Variants in ARHGAP24 observed in about 807,000 individuals in gnomAD.
ARHGAP24 encodes rho GTPase-activating protein 24.
Under a neutral mutation model 76.4 loss-of-function variants are expected in ARHGAP24, and 50 were observed. That is an observed-to-expected ratio of 0.65 (90% CI 0.52 to 0.83). ARHGAP24 has a LOEUF of 0.83. ARHGAP24 is among the 40% of genes least tolerant of loss of function. The pLI is 0.00. For missense variants in ARHGAP24, 930 were observed against 914.2 expected, an observed-to-expected ratio of 1.02 and a Z score of -0.22; for synonymous variants, 345 against 323.3, an observed-to-expected ratio of 1.07 and a Z score of -0.72.
chr4:85,665,232 CTCT>C (rs1254272521), intron 2 of ARHGAP24, among the ~76,000 whole-genome samples: 7 of 152,214 alleles, frequency 4.6e-5, no homozygotes, highest in African/African-American at 1.7e-4. Flanking sequence ...GGATAGTTAG[CTCT>C]TCTTGTTGAA....
At chr4:85,797,407 T>A (rs1728401280) in intron 3 of ARHGAP24, among the ~76,000 whole-genome samples, 1 of 152,146 alleles carries the variant, frequency 6.6e-6, no homozygotes, top group Admixed American at 6.5e-5. Context: ...TCTCCTGACC[T>A]TGTGATCCAC....
chr4:85,561,916 T>A (rs910783394), intron 1 of ARHGAP24, among the ~76,000 whole-genome samples: 9 of 152,050 alleles, frequency 5.9e-5, no homozygotes, highest in Non-Finnish European at 1.0e-4. Flanking sequence ...TAAGGAAATA[T>A]GATAGAATGT....
chr4:85,948,744 G>T (rs1737428128), intron 5 of ARHGAP24, among the ~76,000 whole-genome samples: 1 of 152,122 alleles, frequency 6.6e-6, no homozygotes, highest in African/African-American at 2.4e-5. Flanking sequence ...GAGGTGCTGG[G>T]TCTTTCAGAA....
chr4:85,919,584 T>C lies in ARHGAP24; in HGVS notation c.269-4064T>C, dbSNP rs563787299. The stretch of plus-strand genomic sequence containing the variant: ...ATAGATGAAATTCACAGATGGGATT[T>C]TGTATCTGTGATTGGCAGTCTAAAT... On this transcript the variant is annotated intron_variant, in intron 3 of 9. Coordinates refer to ENST00000395184, the MANE Select transcript of ARHGAP24 (RefSeq NM_001025616.3). Among the ~76,000 whole-genome samples, 30 of 152,298 alleles carry C rather than the reference T, an allele frequency of 2.0e-4. No individual in the cohort carries two copies. In the South Asian group the frequency reaches 6.2e-3, roughly 32 times the overall value.
intron 3 of ARHGAP24, among the ~76,000 whole-genome samples, chr4:85,820,150 A>T (rs1729407956): frequency 1.3e-5 from 2 of 152,232 alleles, no homozygotes; most frequent in African/African-American, 2.4e-5. Context: ...ACCCAAAGGA[A>T]TATAAATTGT....
intron 3 of ARHGAP24, among the ~76,000 whole-genome samples, chr4:85,767,140 T>C (rs1249039226): frequency 1.3e-5 from 2 of 152,152 alleles, no homozygotes; most frequent in African/African-American, 4.8e-5. Context: ...ATTCACACAA[T>C]GTAAAGTGGC....
rs753293329 is a variant in ARHGAP24 at position 86,000,577 on chromosome 4, T to C, written c.2102T>C (p.Met701Thr). Residue 701 changes from methionine to threonine, a missense_variant, in exon 10 of 10, where the codon ATG becomes ACG. By Grantham distance (81) the Met-to-Thr change is moderately conservative. Transcript: ENST00000395184. ...RKKFTMIEIK[M>T]RNAERAKEDA... The stretch of plus-strand genomic sequence containing the variant: ...AAGTTCACAATGATAGAAATAAAAA[T>C]GCGAAATGCCGAGCGAGCAAAAGAA... 3 of 1,607,022 alleles carry C rather than the reference T, an allele frequency of 1.9e-6. No homozygotes were observed. The highest frequency in any genetic ancestry group is 1.7e-6 in the Non-Finnish European group (2 of 1,177,446).
chr4:85,995,079 C>A lies in ARHGAP24; in HGVS notation c.1425C>A (p.His475Gln), dbSNP rs141031654. ...LKVSGTKMGT[H>Q]SVQNGTVRMG... ...TATCTGGTACCAAAATGGGCACGCA[C>A]AGTGTACAGAATGGAACGGTGCGCA... Residue 475 changes from histidine (H) to glutamine (Q), a missense_variant, in exon 9 of 10, where the codon CAC becomes CAA. Transcript: ENST00000395184. The A allele has an allele frequency of 6.2e-6, 10 of 1,613,920 alleles. No individual in the cohort carries two copies. The South Asian group carries it at 9.9e-5, about 16-fold the overall frequency.
chr4:85,495,580 C>T lies in ARHGAP24; in HGVS notation c.-21+20021C>T, dbSNP rs116708175. Among the ~76,000 whole-genome samples, 1,195 of 151,928 alleles carry T rather than the reference C, an allele frequency of 7.9e-3. 5 individuals are homozygous for T. Among genetic ancestry groups the T allele is most frequent in the Non-Finnish European group, 0.012 (801 of 67,958 alleles). ...GTTAGCCAGGATGGGTCTCAATCTC[C>T]TTACCTGGTGATCCGCCCGCCTCGG... On this transcript the variant is annotated intron_variant, in intron 1 of 9. Coordinates refer to ENST00000395184, the MANE Select transcript of ARHGAP24 (RefSeq NM_001025616.3).
At chr4:85,681,626 ATT>A (rs1723205911) in intron 2 of ARHGAP24, among the ~76,000 whole-genome samples, 1 of 152,216 alleles carries the variant, frequency 6.6e-6, no homozygotes, top group Non-Finnish European at 1.5e-5. Flanking sequence ...AGGCCAAAGC[ATT>A]TATATGCATG....
intron 3 of ARHGAP24, among the ~76,000 whole-genome samples, chr4:85,895,017 A>AG (rs1560701878): frequency 2.2e-5 from 2 of 89,884 alleles, no homozygotes; most frequent in Admixed American, 1.4e-4. Context: ...AAAAAAAAAA[A>AG]AAAAGAAAAG....
chr4:85,526,863 A>G (rs1416996845), intron 1 of ARHGAP24, among the ~76,000 whole-genome samples: 1 of 152,176 alleles, frequency 6.6e-6, no homozygotes, highest in Non-Finnish European at 1.5e-5. Flanking sequence ...TAATAGATGC[A>G]TACGTATAAT....
intron 2 of ARHGAP24, among the ~76,000 whole-genome samples, chr4:85,685,381 C>T (rs1357720791): frequency 6.6e-6 from 1 of 151,962 alleles, no homozygotes; most frequent in Non-Finnish European, 1.5e-5. Flanking sequence ...GCCTGTAATC[C>T]CAGCACTTTG....
chr4:85,951,515 A>G (rs1737615701), intron 5 of ARHGAP24, among the ~76,000 whole-genome samples: 1 of 152,154 alleles, frequency 6.6e-6, no homozygotes, highest in African/African-American at 2.4e-5. Flanking sequence ...TTTTGTACAT[A>G]TCTGCCCTCT....
intron 7 of ARHGAP24, 141 bp downstream of exon 7, chr4:85,975,102 G>T (rs1739247206): frequency 1.3e-6 from 1 of 760,900 alleles, no homozygotes; most frequent in Non-Finnish European, 2.2e-6. Context: ...ATTGGACAAG[G>T]TGATCTCAGA....
intron 3 of ARHGAP24, among the ~76,000 whole-genome samples, chr4:85,792,379 C>T (rs1281565968): frequency 6.6e-6 from 1 of 152,124 alleles, no homozygotes; most frequent in South Asian, 2.1e-4. Context: ...AAAGCCAAGC[C>T]ACACATGTTC....
intron 2 of ARHGAP24, among the ~76,000 whole-genome samples, chr4:85,669,458 G>C (rs764364886): frequency 4.0e-5 from 6 of 151,708 alleles, no homozygotes; most frequent in Admixed American, 3.9e-4. Flanking sequence ...TGGAAGAAAA[G>C]TACAGAAATA....
chr4:85,565,604 TG>T, intron 1 of ARHGAP24, among the ~76,000 whole-genome samples: 1 of 152,176 alleles, frequency 6.6e-6, no homozygotes, highest in Admixed American at 6.5e-5. Context: ...CCTGGGAGCG[TG>T]CATTCACTGA....
At chr4:85,644,187 G>A (rs1368208575) in intron 2 of ARHGAP24, among the ~76,000 whole-genome samples, 3 of 152,110 alleles carry the variant, frequency 2.0e-5, no homozygotes, top group Non-Finnish European at 2.9e-5. Context: ...GTACTTACCC[G>A]ACATATTACT....
Sources: allele counts gnomAD v4.1 joint callset (sites outside exome capture counted in the v4.1 genomes callset), GRCh38; gene constraint gnomAD v4.1.1; transcripts MANE v1.5; gene names NCBI Gene and HGNC (gene_info 2026-07-23, HGNC 2026-07-21).